Variants in ABL1 observed in about 807,000 individuals in gnomAD.
ABL1 encodes the protein ABL proto-oncogene 1, non-receptor tyrosine kinase, also known as tyrosine-protein kinase ABL1.
In ABL1, 11 loss-of-function variants were observed where a neutral mutation model predicts 94.7. That is an observed-to-expected ratio of 0.12 (90% CI 0.07 to 0.19). The LOEUF is 0.19. Among genes scored for constraint, ABL1 ranks in the 10% least tolerant of loss-of-function variants. The pLI is 1.00. For synonymous variants in ABL1, 656 were observed against 622.4 expected (o/e 1.05, Z -0.80); for missense variants, 1,082 against 1,489.4 (o/e 0.73, Z 4.50).
In ABL1 at chr9:130,887,264, C is replaced by T. The variant is rs1831602466; in HGVS notation, c.*1581C>T. On this transcript the variant is annotated 3_prime_UTR_variant, in exon 11 of 11. Coordinates refer to ENST00000318560, the MANE Select transcript of ABL1 (RefSeq NM_005157.6). ...TTATTTTTCTGATAGAAATGGTTTC[C>T]TCTGGATCGTTTTATGCGGTTCTTA... 1 of 233,236 alleles carries T rather than the reference C, an allele frequency of 4.3e-6. No individual in the cohort carries two copies. Among genetic ancestry groups the T allele is most frequent in the Non-Finnish European group, 8.5e-6 (1 of 118,012 alleles). The allele number at this position is 233,236 out of a possible 1,614,324, so 14.4% of individuals were successfully genotyped here. A position where few individuals can be genotyped will look rare whatever the true frequency, so the allele number is the denominator to read the frequency against.
chr9:130,806,417 G>T (rs546876233), intron 1 of ABL1, among the ~76,000 whole-genome samples: 31 of 152,290 alleles, frequency 2.0e-4, no homozygotes, highest in African/African-American at 7.2e-4. Flanking sequence ...TACCAATAAG[G>T]CTTGTATCCC....
chr9:130,840,075 C>T (rs1055321425), intron 1 of ABL1, among the ~76,000 whole-genome samples: 3 of 152,150 alleles, frequency 2.0e-5, no homozygotes, highest in African/African-American at 7.2e-5. Context: ...AGAACAAGAG[C>T]CTAGCAGAAA....
intron 1 of ABL1, among the ~76,000 whole-genome samples, chr9:130,784,377 A>T (rs755909459): frequency 7.2e-5 from 11 of 152,172 alleles, no homozygotes; most frequent in Non-Finnish European, 1.6e-4. Flanking sequence ...TACAGCATTT[A>T]AAAAAATCAC....
chr9:130,854,771 A>C (rs941264264), intron 2 of ABL1, 30 bp from the exon 3 acceptor site: 1 of 1,590,672 alleles, frequency 6.3e-7, no homozygotes, highest in African/African-American at 1.3e-5. Context: ...TCCAAAGCTG[A>C]TATGTCTGAT....
intron 1 of ABL1, among the ~76,000 whole-genome samples, chr9:130,752,165 G>A (rs1831974743): frequency 6.6e-6 from 1 of 152,196 alleles, no homozygotes; most frequent in African/African-American, 2.4e-5. Flanking sequence ...CAGAGGCTAA[G>A]CACCATTAAC....
At chr9:130,738,600 A>G (rs1831775327) in intron 1 of ABL1, among the ~76,000 whole-genome samples, 3 of 152,220 alleles carry the variant, frequency 2.0e-5, no homozygotes, top group Admixed American at 2.0e-4. Context: ...AAAAAAATCA[A>G]TTCCCTGCTG....
At position 130,836,824 on chromosome 9, in the gene ABL1, C is replaced by CAAAAA. The variant is rs565723193; in HGVS notation, c.79+1317_79+1321dup. Among the ~76,000 whole-genome samples the CAAAAA allele has an allele frequency of 1.2e-4, 9 of 77,172 alleles. 1 individual carries two copies. The highest frequency in any genetic ancestry group is 3.1e-4 in the African/African-American group (8 of 25,984). 50.6% of individuals were successfully genotyped at this position (77,172 alleles called of 152,430 possible). ...TGGGCGACACAGCAAGACTCGGTCT[C>CAAAAA]AAAAAAAAAAAAAAAAAAAAAAGAG... On this transcript the variant is annotated intron_variant, in intron 1 of 10. Coordinates refer to ENST00000318560, the MANE Select transcript of ABL1 (RefSeq NM_005157.6).
intron 1 of ABL1, among the ~76,000 whole-genome samples, chr9:130,762,406 C>G (rs1264845710): frequency 1.3e-5 from 2 of 151,990 alleles, no homozygotes; most frequent in African/African-American, 4.8e-5. Flanking sequence ...TGTGTGTGCA[C>G]TTTTGGGAAA....
chr9:130,724,394 G>A (rs573831436), intron 1 of ABL1, among the ~76,000 whole-genome samples: 4 of 152,280 alleles, frequency 2.6e-5, no homozygotes, highest in Non-Finnish European at 4.4e-5. Flanking sequence ...ATTTTCTTAT[G>A]TATCCTAGGA....
Position 130,880,262 on chromosome 9 carries a change from G to C in ABL1, c.1513+105G>C. 1 of 1,305,150 alleles carries C rather than the reference G, an allele frequency of 7.7e-7. No individual in the cohort carries two copies. Among genetic ancestry groups the C allele is most frequent in the South Asian group, 1.2e-5 (1 of 82,572 alleles). The allele number at this position is 1,305,150 out of a possible 1,614,324, so 80.8% of individuals were successfully genotyped here. On this transcript the variant is annotated intron_variant, in intron 9 of 10. Transcript: ENST00000318560. The surrounding 1 kb of genome is among the most constrained non-coding windows in gnomAD (Gnocchi z 4.4). ...CTTCCTGGTGAAAGTTCACAGACCA[G>C]CCTGTCCTGAGACCAGAAAGCTGGG...
intron 1 of ABL1, among the ~76,000 whole-genome samples, chr9:130,721,261 C>T (rs1408212051): frequency 1.3e-5 from 2 of 151,648 alleles, no homozygotes; most frequent in African/African-American, 4.8e-5. Flanking sequence ...ACCTATAGTC[C>T]CACCTACATG....
intron 4 of ABL1, among the ~76,000 whole-genome samples, chr9:130,864,222 C>T (rs1831120523): frequency 2.6e-5 from 4 of 152,098 alleles, no homozygotes; most frequent in African/African-American, 9.7e-5. Flanking sequence ...ACCTTAAGGA[C>T]CCTGGATATT....
chr9:130,780,191 G>A (rs990611571), intron 1 of ABL1, among the ~76,000 whole-genome samples: 4 of 152,172 alleles, frequency 2.6e-5, no homozygotes, highest in Admixed American at 2.6e-4. Context: ...GGAGGCTGAG[G>A]CAGGAGAATC....
At chr9:130,724,218 C>T (rs1831550729) in intron 1 of ABL1, among the ~76,000 whole-genome samples, 1 of 152,138 alleles carries the variant, frequency 6.6e-6, no homozygotes, top group African/African-American at 2.4e-5. Context: ...AAACTGTAAG[C>T]TTGTGAATGC....
intron 1 of ABL1, among the ~76,000 whole-genome samples, chr9:130,793,966 T>G (rs1345744050): frequency 1.3e-5 from 2 of 152,156 alleles, no homozygotes; most frequent in African/African-American, 4.8e-5. Flanking sequence ...TCTCATTGTC[T>G]CTTATCACTC....
intron 1 of ABL1, among the ~76,000 whole-genome samples, chr9:130,823,886 G>T (rs35850299): frequency 0.012 from 1,799 of 152,296 alleles, 42 homozygotes; most frequent in African/African-American, 0.037. Flanking sequence ...GCAGGGTCCT[G>T]TGTGGGATTC....
intron 1 of ABL1, among the ~76,000 whole-genome samples, chr9:130,841,997 A>G (rs1192534699): frequency 6.6e-6 from 1 of 151,330 alleles, no homozygotes; most frequent in Non-Finnish European, 1.5e-5. Context: ...AGAGACAGAG[A>G]CTGAGAGACA....
chr9:130,785,400 C>A (rs1375564345), intron 1 of ABL1, among the ~76,000 whole-genome samples: 2 of 152,168 alleles, frequency 1.3e-5, no homozygotes, highest in African/African-American at 4.8e-5. Flanking sequence ...CTCTGACAAG[C>A]ATGTTTGCCA....
At chr9:130,836,987 C>G (rs1232659672) in intron 1 of ABL1, among the ~76,000 whole-genome samples, 2 of 152,184 alleles carry the variant, frequency 1.3e-5, no homozygotes, top group African/African-American at 4.8e-5. Flanking sequence ...ACCTCTGACT[C>G]TACCCTGAAG....
Sources: allele counts gnomAD v4.1 joint callset (sites outside exome capture counted in the v4.1 genomes callset), GRCh38; gene constraint gnomAD v4.1.1; non-coding constraint Gnocchi (gnomAD v3.1); transcripts MANE v1.5; gene names NCBI Gene and HGNC (gene_info 2026-07-23, HGNC 2026-07-21).